Variants in UBE3C observed in about 807,000 individuals in gnomAD.
The protein encoded by UBE3C is ubiquitin-protein ligase E3C.
A neutral mutation model predicts 129.4 loss-of-function variants in UBE3C; 42 were observed. The observed-to-expected ratio is 0.32, with a 90% CI of 0.25 to 0.42. The LOEUF (loss-of-function observed/expected upper bound fraction) is 0.42, where lower values mean the gene tolerates loss of function less well. Ranked by LOEUF, UBE3C falls within the 10% of genes least tolerant of loss-of-function variation. The pLI is 1.00. For missense variants in UBE3C, 1,049 were observed against 1,319.1 expected (o/e 0.80, Z 3.17); for synonymous variants, 510 against 492.4 (o/e 1.04, Z -0.47).
At chr7:157,235,433 A>C (rs1796129715) in intron 18 of UBE3C, among the ~76,000 whole-genome samples, 1 of 152,226 alleles carries the variant, frequency 6.6e-6, no homozygotes, top group Non-Finnish European at 1.5e-5. Context: ...TTCTTCCTGA[A>C]TGTATAAATC....
rs543352817 is a variant in UBE3C at position 157,253,755 on chromosome 7, G to T, written c.2695-199G>T. 7.2e-5 allele frequency among the ~76,000 whole-genome samples: 11 copies of T among 152,344 alleles called. No individual in the cohort carries two copies. The South Asian group carries it at 2.3e-3, about 32-fold the overall frequency. On this transcript the variant is annotated intron_variant, in intron 19 of 22. Transcript: ENST00000348165. ...AGTGATCTTAAAGACAGAGTAAGGTGCTGGGCTTCGGAGACTCTTCCTGGA... is the reference window on the plus strand; with the variant it reads ...AGTGATCTTAAAGACAGAGTAAGGTTCTGGGCTTCGGAGACTCTTCCTGGA...
chr7:157,246,186 G>T (rs1422145347), intron 18 of UBE3C, among the ~76,000 whole-genome samples: 1 of 152,056 alleles, frequency 6.6e-6, no homozygotes, highest in East Asian at 1.9e-4. Flanking sequence ...CTGTTGGAGT[G>T]TATAAGTTCT....
At chr7:157,257,688 G>C (rs188582388) in intron 22 of UBE3C, among the ~76,000 whole-genome samples, 2 of 134,314 alleles carry the variant, frequency 1.5e-5, no homozygotes. Context: ...AGTGAGCCGA[G>C]ATCGCGCCAC....
intron 1 of UBE3C, among the ~76,000 whole-genome samples, chr7:157,158,582 G>T (rs991872095): frequency 1.3e-5 from 2 of 152,202 alleles, no homozygotes; most frequent in Admixed American, 6.5e-5. Flanking sequence ...AGATTCCTTT[G>T]TCTAATGATT....
intron 1 of UBE3C, among the ~76,000 whole-genome samples, chr7:157,141,796 C>T (rs1807459672): frequency 6.6e-6 from 1 of 152,204 alleles, no homozygotes; most frequent in African/African-American, 2.4e-5. Context: ...TGCCCGGCTG[C>T]TTTGGCTTGG....
intron 11 of UBE3C, among the ~76,000 whole-genome samples, chr7:157,205,757 T>C (rs949821389): frequency 2.6e-5 from 4 of 152,226 alleles, no homozygotes; most frequent in African/African-American, 9.7e-5. Flanking sequence ...ACATGGATCA[T>C]GTATGCTCAG....
chr7:157,268,474 G>A lies in UBE3C; in HGVS notation c.*719G>A, dbSNP rs756162380. 1 of 152,648 alleles carries A rather than the reference G, an allele frequency of 6.6e-6. No individual in the cohort carries two copies. The highest frequency in any genetic ancestry group is 1.5e-5 in the Non-Finnish European group (1 of 68,108). The allele number at this position is 152,648 out of a possible 1,614,324, so 9.5% of individuals were successfully genotyped here. On this transcript the variant is annotated 3_prime_UTR_variant, in exon 23 of 23. Transcript: ENST00000348165. ...CTTTGTGCCTGGAGAGCTTTCAGGG[G>A]AGGTGGAGGAGGAGGGTCTGCCAAG...
chr7:157,156,348 C>T (rs555889377), intron 1 of UBE3C, among the ~76,000 whole-genome samples: 1 of 143,756 alleles, frequency 7.0e-6, no homozygotes, highest in Non-Finnish European at 1.5e-5. Context: ...GCTCTGTCAC[C>T]TGGGCTGGAG....
At chr7:157,194,799 A>G (rs1197054851) in intron 10 of UBE3C, among the ~76,000 whole-genome samples, 2 of 152,216 alleles carry the variant, frequency 1.3e-5, no homozygotes, top group African/African-American at 2.4e-5. Context: ...TGTGTCCTGC[A>G]GTTATGTGTA....
intron 2 of UBE3C, among the ~76,000 whole-genome samples, 161 bp downstream of exon 2, chr7:157,164,024 G>A (rs1312347538): frequency 1.3e-5 from 2 of 152,004 alleles, no homozygotes; most frequent in Non-Finnish European, 2.9e-5. Context: ...TTCTGGAGCC[G>A]GTGTAGAAAG....
intron 7 of UBE3C, 52 bp downstream of exon 7, chr7:157,181,723 G>A: frequency 6.3e-7 from 1 of 1,581,218 alleles, no homozygotes; most frequent in Non-Finnish European, 8.6e-7. Context: ...ATCTATATCT[G>A]ATGGTAACTT....
At chr7:157,247,646 C>T (rs1452161401) in intron 18 of UBE3C, among the ~76,000 whole-genome samples, 2 of 152,032 alleles carry the variant, frequency 1.3e-5, no homozygotes, top group East Asian at 1.9e-4. Flanking sequence ...GAGCTGAGAT[C>T]GCGCGGCTGC....
intron 1 of UBE3C, among the ~76,000 whole-genome samples, chr7:157,157,176 T>C (rs1406346116): frequency 6.6e-6 from 1 of 152,080 alleles, no homozygotes; most frequent in Non-Finnish European, 1.5e-5. Context: ...CAACAATGAA[T>C]TAAAAAATTC....
intron 10 of UBE3C, among the ~76,000 whole-genome samples, chr7:157,187,638 C>T (rs764126188): frequency 5.9e-5 from 9 of 151,400 alleles, no homozygotes; most frequent in African/African-American, 1.7e-4. Flanking sequence ...TGCAGTGGCG[C>T]GATCTCGGCT....
chr7:157,167,676 A>G (rs975500850), intron 2 of UBE3C, among the ~76,000 whole-genome samples: 13 of 151,992 alleles, frequency 8.6e-5, no homozygotes, highest in African/African-American at 2.7e-4. Context: ...AGCTGGGACT[A>G]TAGGCACCCG....
At chr7:157,257,905 T>TA (rs1257651308) in intron 22 of UBE3C, among the ~76,000 whole-genome samples, 1 of 151,510 alleles carries the variant, frequency 6.6e-6, no homozygotes, top group Non-Finnish European at 1.5e-5. Context: ...GATTTGTGCT[T>TA]ATGAAACTTC....
At chr7:157,221,785 C>T in intron 15 of UBE3C, 1 of 152,100 alleles carries the variant, frequency 6.6e-6, no homozygotes, top group South Asian at 2.1e-4. Context: ...ATGGTATCTT[C>T]TTGTGGTTTT....
chr7:157,215,455 T>C (rs60283573), intron 13 of UBE3C, among the ~76,000 whole-genome samples: 36,554 of 148,226 alleles, frequency 0.25, 8,275 homozygotes, highest in African/African-American at 0.61. Flanking sequence ...CAGTATAGAT[T>C]AGATATATTA....
At chr7:157,244,268 G>GC (rs1376782026) in intron 18 of UBE3C, among the ~76,000 whole-genome samples, 3 of 152,138 alleles carry the variant, frequency 2.0e-5, no homozygotes, top group Non-Finnish European at 4.4e-5. Flanking sequence ...TATATCTCCT[G>GC]CCCCCTAGGA....
Sources: allele counts gnomAD v4.1 joint callset (sites outside exome capture counted in the v4.1 genomes callset), GRCh38; gene constraint gnomAD v4.1.1; transcripts MANE v1.5; gene names NCBI Gene and HGNC (gene_info 2026-07-23, HGNC 2026-07-21).